The following ZNF516 variants were observed in gnomAD, a reference collection of about 807,000 sequenced individuals.
ZNF516 encodes the protein zinc finger protein 516.
In ZNF516, 19 loss-of-function variants were observed where a neutral mutation model predicts 79.7. The observed-to-expected ratio is 0.24, with a 90% CI of 0.17 to 0.35. ZNF516 has a LOEUF of 0.35. Among genes scored for constraint, ZNF516 ranks in the 10% least tolerant of loss-of-function variants. ZNF516 has a pLI of 1.00. For missense variants in ZNF516, 1,678 were observed against 1,679.5 expected (o/e 1.00, Z 0.02); for synonymous variants, 877 against 739.5 (o/e 1.19, Z -3.02).
rs1447897865 is a variant in ZNF516, at chr18:76,441,785, G to A, written c.1270C>T (p.Arg424Trp). 1 of 1,559,038 alleles carries A rather than the reference G, an allele frequency of 6.4e-7. No homozygotes were observed. Among genetic ancestry groups the A allele is most frequent in the Non-Finnish European group, 8.6e-7 (1 of 1,158,996 alleles). The change falls in exon 3 of 7, where the codon CGG becomes TGG. Residue 424 changes from arginine to tryptophan, a missense_variant. Around this residue, in one of 5 missense-constraint regions of ZNF516, gnomAD observed 1,294 missense variants for 1,248.3 expected, o/e 1.04. Transcript: ENST00000443185. ...TCGGCCGGCTCGGCCACCTTACCCC[G>A]CGTGGCCAGCTGCCAGGCCTGGTAG... ...NSYQAWQLAT[R>W]GKVAEPAEYL... is the part of the protein sequence containing the mutation.
At chr18:76,419,238 T>C (rs1328134332) in intron 3 of ZNF516, among the ~76,000 whole-genome samples, 1 of 152,154 alleles carries the variant, frequency 6.6e-6, no homozygotes, top group Non-Finnish European at 1.5e-5. Flanking sequence ...TGTATTAAGT[T>C]GAAACAATGG....
chr18:76,452,370 AC>A (rs1214543499), intron 2 of ZNF516, among the ~76,000 whole-genome samples: 2 of 152,074 alleles, frequency 1.3e-5, no homozygotes, highest in African/African-American at 2.4e-5. Flanking sequence ...ATTACTTAGC[AC>A]CCCCCAAATA....
chr18:76,378,527 C>T (rs891911917), intron 4 of ZNF516, among the ~76,000 whole-genome samples: 3 of 152,182 alleles, frequency 2.0e-5, no homozygotes, highest in Admixed American at 6.5e-5. Context: ...CCTGCTCCTG[C>T]GGAATGTCGG....
intron 3 of ZNF516, among the ~76,000 whole-genome samples, chr18:76,384,256 C>G (rs148840550): frequency 0.017 from 2,511 of 151,186 alleles, 85 homozygotes; most frequent in African/African-American, 0.058. Flanking sequence ...ACACCCGTGC[C>G]CCCTCCACGG....
intron 3 of ZNF516, among the ~76,000 whole-genome samples, chr18:76,398,567 A>T (rs976883116): frequency 1.3e-5 from 2 of 152,182 alleles, no homozygotes; most frequent in African/African-American, 2.4e-5. Flanking sequence ...AGCTTAGAGT[A>T]AGGAGGAGAG....
intron 3 of ZNF516, among the ~76,000 whole-genome samples, chr18:76,436,056 T>C (rs1209944846): frequency 1.3e-5 from 2 of 152,192 alleles, no homozygotes; most frequent in Non-Finnish European, 2.9e-5. Context: ...TGTGTGAACA[T>C]TTATTAGATA....
At chr18:76,386,969 C>G (rs886783712) in intron 3 of ZNF516, 2 of 152,242 alleles carry the variant, frequency 1.3e-5, no homozygotes, top group African/African-American at 2.4e-5. Context: ...CGTTAACACC[C>G]CAAATTCTCA....
chr18:76,391,219 G>C (rs975454798), intron 3 of ZNF516, among the ~76,000 whole-genome samples: 4 of 152,178 alleles, frequency 2.6e-5, no homozygotes, highest in Admixed American at 6.5e-5. Context: ...AAGTGTGAGC[G>C]TAAGGGCTCT....
chr18:76,463,020 G>C lies in ZNF516; in HGVS notation c.-158+8C>G, dbSNP rs1176992768. 6.6e-6 allele frequency: 1 copy of C among 152,214 alleles called. No homozygotes were observed. Among genetic ancestry groups the C allele is most frequent in the Non-Finnish European group, 1.5e-5 (1 of 68,052 alleles). The allele number at this position is 152,214 out of a possible 1,614,324, so 9.4% of individuals were successfully genotyped here. ...GGATTGACAGGAAGGTGATCCAACT[G>C]CACCTACCTGGGCTTTCCTGGGAAT... On this transcript the variant is annotated splice_region_variant and intron_variant, in intron 2 of 6. Coordinates refer to ENST00000443185, the MANE Select transcript of ZNF516 (RefSeq NM_014643.4).
intron 4 of ZNF516, chr18:76,372,829 T>G (rs1599137703): frequency 6.6e-6 from 1 of 152,304 alleles, no homozygotes; most frequent in African/African-American, 2.4e-5. Context: ...ACAAAAGGAA[T>G]AAGAAGAAAC....
At chr18:76,457,583 A>G (rs689833) in intron 2 of ZNF516, among the ~76,000 whole-genome samples, 151,604 of 152,224 alleles carry the variant, frequency 1, 75,497 homozygotes, top group Middle Eastern at 1. Flanking sequence ...CGAGCGTGGC[A>G]GCGCATGCCT....
rs529502285 is a variant in ZNF516, at chr18:76,451,983, T to C, written c.-157-8772A>G. ...CTATTGGGAGAGTAAGTACGGCCGATGACAGGCCTGGAGGCGGCTGCTGTT... is the reference window on the plus strand; with the variant it reads ...CTATTGGGAGAGTAAGTACGGCCGACGACAGGCCTGGAGGCGGCTGCTGTT... On this transcript the variant is annotated intron_variant, in intron 2 of 6. Coordinates refer to ENST00000443185, the MANE Select transcript of ZNF516 (RefSeq NM_014643.4). The surrounding 1 kb of genome is among the most constrained non-coding windows in gnomAD (Gnocchi z 6.0). Among the ~76,000 whole-genome samples, 1 of 152,290 alleles carries C rather than the reference T, an allele frequency of 6.6e-6. No homozygotes were observed. The highest frequency in any genetic ancestry group is 1.9e-4 in the East Asian group (1 of 5,184).
chr18:76,438,842 T>G (rs1289089036), intron 3 of ZNF516, among the ~76,000 whole-genome samples: 3 of 152,246 alleles, frequency 2.0e-5, no homozygotes, highest in Admixed American at 2.0e-4. Context: ...TAGATCTGAA[T>G]TCTAATTTCA....
chr18:76,368,536 A>T (rs974728077), intron 6 of ZNF516, among the ~76,000 whole-genome samples: 1 of 152,094 alleles, frequency 6.6e-6, no homozygotes, highest in Non-Finnish European at 1.5e-5. Context: ...ACCCACCGAG[A>T]TCTTCACACC....
chr18:76,448,435 C>T (rs1412885307), intron 2 of ZNF516, among the ~76,000 whole-genome samples: 1 of 152,208 alleles, frequency 6.6e-6, no homozygotes, highest in Non-Finnish European at 1.5e-5. Context: ...CTTCCTGACA[C>T]ACGCCCCGGT....
chr18:76,480,506 C>T (rs1301910886), intron 1 of ZNF516, among the ~76,000 whole-genome samples: 2 of 73,606 alleles, frequency 2.7e-5, no homozygotes, highest in Non-Finnish European at 4.9e-5. Context: ...CACACACACA[C>T]ACACACACAC....
In ZNF516 at chr18:76,384,421, C is replaced by T. The variant is rs1419629939; in HGVS notation, c.1811-4118G>A. Among the ~76,000 whole-genome samples, 21 of 127,132 alleles carry T rather than the reference C, an allele frequency of 1.7e-4. 1 individual carries two copies. Among genetic ancestry groups the T allele is most frequent in the South Asian group, 5.9e-4 (2 of 3,368 alleles). The allele number at this position is 127,132 out of a possible 152,430, so 83.4% of individuals were successfully genotyped here. On this transcript the variant is annotated intron_variant, in intron 3 of 6. Coordinates refer to ENST00000443185, the MANE Select transcript of ZNF516 (RefSeq NM_014643.4). The stretch of plus-strand genomic sequence containing the variant: ...CCCTTTCTCCTTAGCCCCCACCACT[C>T]CCTCCACGGTTCTCACGCCCCGTCC...
chr18:76,423,684 G>A (rs1185512017), intron 3 of ZNF516, among the ~76,000 whole-genome samples: 3 of 138,470 alleles, frequency 2.2e-5, no homozygotes, highest in Admixed American at 7.7e-5. Context: ...ACATACACAC[G>A]CAGGTGAAAA....
chr18:76,392,603 G>GGTGGATGGGAA (rs2075092773), intron 3 of ZNF516, among the ~76,000 whole-genome samples: 1 of 90,574 alleles, frequency 1.1e-5, no homozygotes, highest in Non-Finnish European at 2.1e-5. Context: ...GGTGGGGGAA[G>GGTGGATGGGAA]GGCAGGTGGG....
Sources: gnomAD v4.1 joint callset for allele counts (sites outside exome capture counted in the v4.1 genomes callset) on GRCh38, gnomAD v4.1.1 for gene constraint, gnomAD v4.1.1 regional missense constraint, Gnocchi (gnomAD v3.1) non-coding constraint, MANE v1.5 for transcripts, NCBI Gene and HGNC (gene_info 2026-07-23, HGNC 2026-07-21) for gene names.